KIF13A: variants seen among roughly 807,000 people sequenced by gnomAD.
KIF13A encodes kinesin family member 13A, also known as kinesin-like protein KIF13A.
In KIF13A, 79 loss-of-function variants were observed where a neutral mutation model predicts 212.2. That is an observed-to-expected ratio of 0.37 (90% CI 0.31 to 0.45). The LOEUF (loss-of-function observed/expected upper bound fraction) is 0.45, where lower values mean the gene tolerates loss of function less well. Ranked by LOEUF, KIF13A falls within the 20% of genes least tolerant of loss-of-function variation. The probability of loss-of-function intolerance (pLI) is 1.00; values close to 1 mark genes in which losing one functional copy is unlikely to be tolerated. For missense variants in KIF13A, 1,901 were observed against 2,209.0 expected (o/e 0.86, Z 2.79); for synonymous variants, 789 against 808.6 (o/e 0.98, Z 0.41).
At chr6:17,877,709 T>C (rs1770696683) in intron 3 of KIF13A, among the ~76,000 whole-genome samples, 2 of 152,082 alleles carry the variant, frequency 1.3e-5, no homozygotes, top group Non-Finnish European at 2.9e-5. Context: ...CTCCTTCTTA[T>C]ATCCCGGGCA....
chr6:17,918,894 T>G lies in KIF13A; in HGVS notation c.147-20714A>C, dbSNP rs2150516970. On this transcript the variant is annotated intron_variant, in intron 2 of 38. Transcript: ENST00000259711. The surrounding 1 kb of genome is among the most constrained non-coding windows in gnomAD (Gnocchi z 4.8). The stretch of plus-strand genomic sequence containing the variant: ...CATGTTAAACCATTTCATTATTTAT[T>G]TGCTTATTATCCACAGGTCTCCCCT... Among the ~76,000 whole-genome samples, 1 of 152,284 alleles carries G rather than the reference T, an allele frequency of 6.6e-6. No homozygotes were observed. The highest frequency in any genetic ancestry group is 2.4e-5 in the African/African-American group (1 of 41,554).
At position 17,811,792 on chromosome 6, in the gene KIF13A, CT is replaced by C. The variant is rs1039121648; in HGVS notation, c.2001-2863del. On this transcript the variant is annotated intron_variant, in intron 17 of 38. Coordinates refer to ENST00000259711, the MANE Select transcript of KIF13A (RefSeq NM_022113.6). This position sits in a 1 kb window ranked among gnomAD's most constrained non-coding sequence, Gnocchi z 6.0. ...GAATGACATTCCCAAAATATCTCAT[CT>C]TTTTTTTTCTTCCTTCCTTCCTTCC... 1.8e-4 allele frequency among the ~76,000 whole-genome samples: 28 copies of C among 151,698 alleles called. No individual in the cohort carries two copies. The highest frequency in any genetic ancestry group is 4.6e-4 in the African/African-American group (19 of 41,294).
Position 17,794,772 on chromosome 6 carries a change from C to A in KIF13A, c.2943-68G>T. On this transcript the variant is annotated intron_variant, in intron 23 of 38. Transcript: ENST00000259711. The surrounding 1 kb of genome is among the most constrained non-coding windows in gnomAD (Gnocchi z 4.1). The stretch of plus-strand genomic sequence containing the variant: ...GGATACTGTTAGTAATAGTAATAAG[C>A]CACCATTCACTGAGCACTTACTATG... 1 of 1,492,146 alleles carries A rather than the reference C, an allele frequency of 6.7e-7. No homozygotes were observed. Among genetic ancestry groups the A allele is most frequent in the Admixed American group, 2.0e-5 (1 of 49,606 alleles). The allele number at this position is 1,492,146 out of a possible 1,614,324, so 92.4% of individuals were successfully genotyped here.
intron 2 of KIF13A, among the ~76,000 whole-genome samples, chr6:17,929,067 A>C (rs1299240975): frequency 2.6e-5 from 3 of 115,148 alleles, no homozygotes; most frequent in East Asian, 2.7e-4. Context: ...CTCAAAAAAA[A>C]AAAAAAAAAA....
chr6:17,858,825 C>A (rs1768413393), intron 4 of KIF13A, among the ~76,000 whole-genome samples: 1 of 152,190 alleles, frequency 6.6e-6, no homozygotes, highest in South Asian at 2.1e-4. Context: ...AGGGTGGGGA[C>A]AAGAGACTTC....
Position 17,839,578 on chromosome 6 carries a change from A to G in KIF13A, c.831-1995T>C, listed in dbSNP as rs1207076454. Among the ~76,000 whole-genome samples the G allele has an allele frequency of 6.6e-6, 1 of 152,228 alleles. No homozygotes were observed. Among genetic ancestry groups the G allele is most frequent in the Non-Finnish European group, 1.5e-5 (1 of 68,042 alleles). ...AAAAGGCCATTGTCCTGGGTTGAAC[A>G]GTATTCATGTCCGCCAGACCCTCAG... On this transcript the variant is annotated intron_variant, in intron 9 of 38. Transcript: ENST00000259711. This position sits in a 1 kb window ranked among gnomAD's most constrained non-coding sequence, Gnocchi z 4.3.
chr6:17,863,832 T>C (rs968409551), intron 4 of KIF13A, among the ~76,000 whole-genome samples: 2 of 152,190 alleles, frequency 1.3e-5, no homozygotes, highest in Non-Finnish European at 2.9e-5. Context: ...TTCACTTCTA[T>C]TTTTTAAACA....
At chr6:17,840,232 T>C (rs1159407500) in intron 9 of KIF13A, among the ~76,000 whole-genome samples, 1 of 151,554 alleles carries the variant, frequency 6.6e-6, no homozygotes, top group Non-Finnish European at 1.5e-5. Context: ...TGTATGTGAG[T>C]TACTTAATAC....
At chr6:17,885,940 T>A (rs1472278589) in intron 3 of KIF13A, among the ~76,000 whole-genome samples, 2 of 152,188 alleles carry the variant, frequency 1.3e-5, no homozygotes, top group Non-Finnish European at 2.9e-5. Context: ...TTCTTTCATA[T>A]CCTGATCACT....
At chr6:17,867,220 A>G (rs978147345) in intron 4 of KIF13A, among the ~76,000 whole-genome samples, 1 of 152,196 alleles carries the variant, frequency 6.6e-6, no homozygotes, top group Non-Finnish European at 1.5e-5. Flanking sequence ...AAAACTCTAA[A>G]TAGAATGCTT....
At chr6:17,846,255 C>G (rs1767043329) in intron 9 of KIF13A, among the ~76,000 whole-genome samples, 1 of 151,622 alleles carries the variant, frequency 6.6e-6, no homozygotes, top group Non-Finnish European at 1.5e-5. Flanking sequence ...TGCACCCGGC[C>G]AAGGCATACT....
chr6:17,833,914 T>C (rs1356446531), intron 12 of KIF13A, 47 bp downstream of exon 12: 2 of 763,884 alleles, frequency 2.6e-6, no homozygotes, highest in Non-Finnish European at 2.0e-6. Flanking sequence ...GAAAAGACAA[T>C]AAGTGAAAAA....
Position 17,810,296 on chromosome 6 carries a change from TCCTTATCAAGCCCTG to T in KIF13A, c.2001-1381_2001-1367del, listed in dbSNP as rs1421315553. 4.6e-5 allele frequency among the ~76,000 whole-genome samples: 7 copies of T among 152,308 alleles called. No individual in the cohort carries two copies. In the East Asian group the frequency reaches 1.4e-3, roughly 29 times the overall value. The stretch of plus-strand genomic sequence containing the variant: ...CTCTTCTTGCTCCACTGCAAGACAG[TCCTTATCAAGCCCTG>T]CCTTCCTCAGGCCGTTCCTCGGCTC... On this transcript the variant is annotated intron_variant, in intron 17 of 38. Transcript: ENST00000259711.
chr6:17,977,021 G>A (rs1299492134), intron 2 of KIF13A, among the ~76,000 whole-genome samples: 1 of 150,282 alleles, frequency 6.7e-6, no homozygotes. Context: ...AGAATGGCGT[G>A]AACCCGGGAA....
Position 17,951,319 on chromosome 6 carries a change from T to C in KIF13A, c.146+35735A>G. ...ATTTTAAACAAATTTTTTGTAGAGA[T>C]GGGGTTTTGCCATGTTGCAAAGGCT... On this transcript the variant is annotated intron_variant, in intron 2 of 38. Transcript: ENST00000259711. The surrounding 1 kb of genome is among the most constrained non-coding windows in gnomAD (Gnocchi z 4.9). The C allele has an allele frequency of 1.6e-6, 1 of 617,280 alleles. No individual in the cohort carries two copies. The highest frequency in any genetic ancestry group is 1.8e-5 in the South Asian group (1 of 54,358). 38.2% of individuals were successfully genotyped at this position (617,280 alleles called of 1,614,324 possible).
intron 2 of KIF13A, chr6:17,936,305 C>T (rs1169464042): frequency 6.4e-6 from 1 of 155,602 alleles, no homozygotes; most frequent in Non-Finnish European, 1.5e-5. Context: ...GCCACCACAC[C>T]TGGCTAATTT....
rs1774121401 is a variant in KIF13A, at chr6:17,912,052, C to A, written c.147-13872G>T. ...GTGCTGGGATTACAGGCATGAGGCA[C>A]CGGCCATCAATAATAATTTAACTGT... On this transcript the variant is annotated intron_variant, in intron 2 of 38. Coordinates refer to ENST00000259711, the MANE Select transcript of KIF13A (RefSeq NM_022113.6). This position sits in a 1 kb window ranked among gnomAD's most constrained non-coding sequence, Gnocchi z 4.2. Among the ~76,000 whole-genome samples, 1 of 151,980 alleles carries A rather than the reference C, an allele frequency of 6.6e-6. No homozygotes were observed. Among genetic ancestry groups the A allele is most frequent in the Non-Finnish European group, 1.5e-5 (1 of 68,000 alleles).
chr6:17,985,632 C>CCGGGGGGGGGGGGGGGGGG (rs112580662), intron 2 of KIF13A, among the ~76,000 whole-genome samples: 2 of 38,208 alleles, frequency 5.2e-5, no homozygotes, highest in Non-Finnish European at 5.2e-5. Flanking sequence ...ATGCAGTTTG[C>CCGGGGGGGGGGGGGGGGGG]GGGGGGGTGG....
rs746892812 is a variant in KIF13A at position 17,789,907 on chromosome 6, C to T, written c.3226G>A (p.Asp1076Asn). 6.2e-7 allele frequency: 1 copy of T among 1,612,852 alleles called. No homozygotes were observed. Among genetic ancestry groups the T allele is most frequent in the Admixed American group, 1.7e-5 (1 of 59,932 alleles). ...TCCATATCATCACCATCCTCATCAT[C>T]TCTCTGGTAGGAAAAAATAAACACA... ...LQRGLDSYQRDDEDGDDMDSY... is the reference protein window; with the variant it reads ...LQRGLDSYQRNDEDGDDMDSY... Residue 1076 changes from aspartate to asparagine, a missense_variant, in exon 26 of 39, where the codon GAT becomes AAT. This residue lies in a region of KIF13A where 168 missense variants were observed against 250.9 expected (regional missense o/e 0.67). Coordinates refer to ENST00000259711, the MANE Select transcript of KIF13A (RefSeq NM_022113.6). This position sits in a 1 kb window ranked among gnomAD's most constrained non-coding sequence, Gnocchi z 4.8.
Sources: gnomAD v4.1 joint callset for allele counts (sites outside exome capture counted in the v4.1 genomes callset) on GRCh38, gnomAD v4.1.1 for gene constraint, gnomAD v4.1.1 regional missense constraint, Gnocchi (gnomAD v3.1) non-coding constraint, MANE v1.5 for transcripts, NCBI Gene and HGNC (gene_info 2026-07-23, HGNC 2026-07-21) for gene names.